The following IL1RAPL2 variants were observed in gnomAD, a reference collection of about 807,000 sequenced individuals.
The protein encoded by IL1RAPL2 is interleukin 1 receptor accessory protein like 2, also known as X-linked interleukin-1 receptor accessory protein-like 2.
In IL1RAPL2, 3 loss-of-function variants were observed where a neutral mutation model predicts 44.1. The observed-to-expected ratio is 0.07, with a 90% CI of 0.03 to 0.18. The LOEUF (loss-of-function observed/expected upper bound fraction) is 0.18. Among genes scored for constraint, IL1RAPL2 ranks in the 10% least tolerant of loss-of-function variants. The pLI is 1.00. For synonymous variants in IL1RAPL2, 181 were observed against 178.8 expected (o/e 1.01, Z -0.10); for missense variants, 391 against 496.4 (o/e 0.79, Z 2.02).
intron 6 of IL1RAPL2, among the ~76,000 whole-genome samples, chrX:105,551,017 C>T (rs1331844989): frequency 1.8e-5 from 2 of 111,015 alleles, no homozygotes; most frequent in Admixed American, 9.6e-5. Flanking sequence ...TTTCACATTC[C>T]GAAACCAGAG....
At chrX:105,091,848 A>G (rs946360410) in intron 2 of IL1RAPL2, among the ~76,000 whole-genome samples, 3 of 111,895 alleles carry the variant, frequency 2.7e-5, no homozygotes, top group Non-Finnish European at 3.8e-5. Flanking sequence ...TATCCATTGA[A>G]TTAATAAATT....
chrX:105,043,084 G>C (rs867831957), intron 2 of IL1RAPL2, among the ~76,000 whole-genome samples: 16 of 71,870 alleles, frequency 2.2e-4, no homozygotes, highest in African/African-American at 8.4e-4. Flanking sequence ...GTTGTGGGGT[G>C]GGGGGAGGGG....
At chrX:105,254,470 T>G (rs186474896) in intron 4 of IL1RAPL2, among the ~76,000 whole-genome samples, 1 of 112,416 alleles carries the variant, frequency 8.9e-6, no homozygotes, top group East Asian at 2.8e-4. Flanking sequence ...GTCATATGCA[T>G]AATTTGCAAA....
intron 6 of IL1RAPL2, among the ~76,000 whole-genome samples, chrX:105,556,455 T>G (rs899380115): frequency 1.8e-5 from 2 of 110,842 alleles, no homozygotes; most frequent in African/African-American, 6.6e-5. Context: ...CCAAACTGCT[T>G]TTTTCTCCTG....
intron 2 of IL1RAPL2, among the ~76,000 whole-genome samples, chrX:104,972,725 T>C (rs1294663278): frequency 8.9e-6 from 1 of 112,013 alleles, no homozygotes; most frequent in Admixed American, 9.4e-5. Context: ...GAATGGCCTC[T>C]ACACCCAACA....
intron 6 of IL1RAPL2, among the ~76,000 whole-genome samples, chrX:105,695,447 T>G (rs375648308): frequency 3.6e-5 from 4 of 111,793 alleles, no homozygotes; most frequent in South Asian, 7.5e-4. Context: ...GACTTTTTCC[T>G]ACGGTAGGAA....
intron 2 of IL1RAPL2, among the ~76,000 whole-genome samples, chrX:105,071,644 A>T (rs978137757): frequency 2.7e-5 from 3 of 112,219 alleles, no homozygotes; most frequent in African/African-American, 9.7e-5. Flanking sequence ...AGTAACCAAA[A>T]TAGCATGGTA....
At chrX:104,658,440 G>T (rs969131169) in intron 1 of IL1RAPL2, among the ~76,000 whole-genome samples, 2 of 111,616 alleles carry the variant, frequency 1.8e-5, no homozygotes, top group African/African-American at 6.5e-5. Context: ...ACAGGGCAGG[G>T]ATCATCACAA....
intron 5 of IL1RAPL2, among the ~76,000 whole-genome samples, chrX:105,404,151 G>A (rs941216729): frequency 6.3e-5 from 7 of 111,482 alleles, no homozygotes; most frequent in African/African-American, 2.3e-4. Context: ...AATAGAGCAG[G>A]GAATTTTTCA....
At chrX:104,933,443 A>G (rs965492838) in intron 2 of IL1RAPL2, among the ~76,000 whole-genome samples, 1 of 111,042 alleles carries the variant, frequency 9.0e-6, no homozygotes, top group Non-Finnish European at 1.9e-5. Context: ...AAACCCTAAA[A>G]TATTGCTTTT....
chrX:105,743,815 A>T (rs1023106719), intron 8 of IL1RAPL2, among the ~76,000 whole-genome samples: 2 of 112,202 alleles, frequency 1.8e-5, no homozygotes, highest in Non-Finnish European at 3.8e-5. Context: ...GCAATAGATA[A>T]CAGGGATTGA....
chrX:105,483,075 A>T (rs1235893991), intron 5 of IL1RAPL2, among the ~76,000 whole-genome samples: 2 of 106,714 alleles, frequency 1.9e-5, no homozygotes, highest in Non-Finnish European at 1.9e-5. Flanking sequence ...CCAAACTCCA[A>T]CCTGGTGTGA....
intron 5 of IL1RAPL2, among the ~76,000 whole-genome samples, chrX:105,415,850 T>C (rs2035729541): frequency 8.9e-6 from 1 of 111,814 alleles, no homozygotes; most frequent in Admixed American, 9.5e-5. Context: ...AGGTTTTGTT[T>C]TTGTGTTTTC....
chrX:104,840,653 A>T (rs1602752347), intron 2 of IL1RAPL2, among the ~76,000 whole-genome samples: 1 of 108,442 alleles, frequency 9.2e-6, no homozygotes, highest in African/African-American at 3.4e-5. Context: ...TAATATTGAC[A>T]GTGGGATGTT....
chrX:105,385,673 G>A (rs1342299828), intron 5 of IL1RAPL2, among the ~76,000 whole-genome samples: 2 of 111,228 alleles, frequency 1.8e-5, no homozygotes, highest in African/African-American at 6.5e-5. Flanking sequence ...AGTGATTATA[G>A]CAGTGACATT....
At chrX:104,892,746 C>T (rs1430179402) in intron 2 of IL1RAPL2, among the ~76,000 whole-genome samples, 1 of 111,334 alleles carries the variant, frequency 9.0e-6, no homozygotes, top group Non-Finnish European at 1.9e-5. Flanking sequence ...AAAACCAGCT[C>T]CTGGATTCAT....
intron 2 of IL1RAPL2, among the ~76,000 whole-genome samples, chrX:105,075,525 A>C (rs908430992): frequency 4.5e-5 from 5 of 111,462 alleles, no homozygotes; most frequent in Non-Finnish European, 9.4e-5. Flanking sequence ...TGTCTCTGCC[A>C]GGCTTTGGTA....
chrX:105,372,885 A>G (rs1296959484), intron 5 of IL1RAPL2, among the ~76,000 whole-genome samples: 1 of 112,440 alleles, frequency 8.9e-6, no homozygotes, highest in Non-Finnish European at 1.9e-5. Flanking sequence ...TCCATGATAT[A>G]TATGTACCAC....
intron 2 of IL1RAPL2, among the ~76,000 whole-genome samples, chrX:105,136,726 G>T (rs1880130069): frequency 8.9e-6 from 1 of 112,120 alleles, no homozygotes; most frequent in East Asian, 2.8e-4. Context: ...CCTCTTCATT[G>T]TATCACTGAC....
Sources: gnomAD v4.1 joint callset for allele counts (sites outside exome capture counted in the v4.1 genomes callset) on GRCh38, gnomAD v4.1.1 for gene constraint, MANE v1.5 for transcripts, NCBI Gene and HGNC (gene_info 2026-07-23, HGNC 2026-07-21) for gene names.